DLG2: variants seen among roughly 807,000 people sequenced by gnomAD.
DLG2 encodes discs large MAGUK scaffold protein 2.
Under a neutral mutation model 132.5 loss-of-function variants are expected in DLG2, and 45 were observed. The observed-to-expected ratio is 0.34, with a 90% CI of 0.27 to 0.44. The LOEUF is 0.44. Among genes scored for constraint, DLG2 ranks in the 20% least tolerant of loss-of-function variants. The pLI, the probability that DLG2 is intolerant of heterozygous loss-of-function variation, is 1.00. For missense variants in DLG2, 1,045 were observed against 1,196.9 expected, an observed-to-expected ratio of 0.87 and a Z score of 1.87; for synonymous variants, 424 against 419.6, an observed-to-expected ratio of 1.01 and a Z score of -0.13.
chr11:83,652,563 G>A (rs751521554), intron 18 of DLG2, among the ~76,000 whole-genome samples: 2 of 152,114 alleles, frequency 1.3e-5, no homozygotes, highest in African/African-American at 4.8e-5. Flanking sequence ...GTAGAGACGG[G>A]GTTTCACCAT....
At chr11:84,692,380 T>G (rs1490594292) in intron 6 of DLG2, among the ~76,000 whole-genome samples, 2 of 151,872 alleles carry the variant, frequency 1.3e-5, no homozygotes, top group East Asian at 3.9e-4. Context: ...TATCTGTCCA[T>G]TATTAACCCT....
At chr11:83,916,078 C>CT (rs963723167) in intron 15 of DLG2, among the ~76,000 whole-genome samples, 4 of 152,122 alleles carry the variant, frequency 2.6e-5, no homozygotes, top group Non-Finnish European at 5.9e-5. Context: ...GTACTTCATT[C>CT]TTTTTTCTGG....
chr11:84,078,836 A>T (rs116091358), intron 10 of DLG2, among the ~76,000 whole-genome samples: 2,124 of 152,312 alleles, frequency 0.014, 47 homozygotes, highest in African/African-American at 0.048. Context: ...ATTCCCAGTC[A>T]GATCTCTCAG....
intron 8 of DLG2, among the ~76,000 whole-genome samples, chr11:84,175,186 T>C (rs919924524): frequency 8.5e-5 from 13 of 152,236 alleles, no homozygotes; most frequent in African/African-American, 2.6e-4. Flanking sequence ...TAATTTTTCT[T>C]TCTGGTCATA....
intron 21 of DLG2, among the ~76,000 whole-genome samples, chr11:83,519,938 T>C (rs2095421170): frequency 6.6e-6 from 1 of 152,210 alleles, no homozygotes; most frequent in East Asian, 1.9e-4. Flanking sequence ...TCCTTCTCTA[T>C]GAATAAGGAG....
intron 18 of DLG2, among the ~76,000 whole-genome samples, chr11:83,764,354 G>T (rs922082325): frequency 6.6e-6 from 1 of 152,128 alleles, no homozygotes; most frequent in African/African-American, 2.4e-5. Flanking sequence ...TCAATATATG[G>T]TTGTTTAATG....
At chr11:83,835,322 T>G (rs961156891) in intron 16 of DLG2, among the ~76,000 whole-genome samples, 2 of 152,054 alleles carry the variant, frequency 1.3e-5, no homozygotes, top group Non-Finnish European at 2.9e-5. Context: ...ATATAGCACG[T>G]TAGAAGGCAA....
chr11:84,981,714 C>G (rs199792185), intron 6 of DLG2, among the ~76,000 whole-genome samples: 1 of 152,086 alleles, frequency 6.6e-6, no homozygotes, highest in Non-Finnish European at 1.5e-5. Flanking sequence ...AAAAGATGCT[C>G]TCATGACTAT....
chr11:84,784,805 T>A (rs1384036127), intron 6 of DLG2, among the ~76,000 whole-genome samples: 2 of 152,078 alleles, frequency 1.3e-5, no homozygotes, highest in Non-Finnish European at 2.9e-5. Flanking sequence ...TGGGGTGATG[T>A]GGTGGCCGTT....
intron 3 of DLG2, among the ~76,000 whole-genome samples, chr11:85,395,284 G>A (rs1213204654): frequency 6.6e-6 from 1 of 152,174 alleles, no homozygotes; most frequent in Admixed American, 6.5e-5. Flanking sequence ...AGAAGCAGTT[G>A]CTTCCAGGGT....
At chr11:85,070,518 A>T (rs2065683763) in intron 6 of DLG2, among the ~76,000 whole-genome samples, 1 of 151,720 alleles carries the variant, frequency 6.6e-6, no homozygotes, top group South Asian at 2.1e-4. Flanking sequence ...GACTTAACCA[A>T]TGCACAATAT....
At chr11:84,471,578 G>A (rs1404816962) in intron 7 of DLG2, among the ~76,000 whole-genome samples, 3 of 151,752 alleles carry the variant, frequency 2.0e-5, no homozygotes, top group Non-Finnish European at 4.4e-5. Context: ...GAAAAGGAGT[G>A]AAAGGGGATT....
intron 3 of DLG2, among the ~76,000 whole-genome samples, chr11:85,387,255 C>T (rs763120769): frequency 6.6e-5 from 10 of 152,132 alleles, no homozygotes; most frequent in Non-Finnish European, 1.0e-4. Context: ...GCAAATTGTA[C>T]TCTACAACAT....
intron 3 of DLG2, among the ~76,000 whole-genome samples, chr11:85,527,560 T>C (rs1471528299): frequency 1.3e-5 from 2 of 152,180 alleles, no homozygotes; most frequent in African/African-American, 4.8e-5. Context: ...TATTCCATAG[T>C]ATGTATGTGC....
At chr11:85,308,311 T>G (rs1201181773) in intron 3 of DLG2, among the ~76,000 whole-genome samples, 1 of 151,830 alleles carries the variant, frequency 6.6e-6, no homozygotes, top group East Asian at 1.9e-4. Flanking sequence ...ATATGCTAGT[T>G]ATCCTATTTA....
intron 6 of DLG2, among the ~76,000 whole-genome samples, chr11:84,638,717 A>G (rs2099644972): frequency 6.6e-6 from 1 of 152,228 alleles, no homozygotes; most frequent in Non-Finnish European, 1.5e-5. Context: ...CAGAGACTCC[A>G]TAACTCACCA....
chr11:85,557,596 C>A (rs914041264), intron 3 of DLG2, among the ~76,000 whole-genome samples: 2 of 151,766 alleles, frequency 1.3e-5, no homozygotes, highest in African/African-American at 2.4e-5. Flanking sequence ...GTTAATGGTA[C>A]AAGAACAGAC....
At chr11:84,743,812 C>T (rs1424650250) in intron 6 of DLG2, among the ~76,000 whole-genome samples, 2 of 152,022 alleles carry the variant, frequency 1.3e-5, no homozygotes, top group African/African-American at 4.8e-5. Context: ...GCAACCTCCA[C>T]TCTCTGGGTT....
At chr11:84,225,413 C>T (rs958062931) in intron 8 of DLG2, among the ~76,000 whole-genome samples, 5 of 152,228 alleles carry the variant, frequency 3.3e-5, no homozygotes, top group African/African-American at 1.2e-4. Context: ...TAAAATCCTG[C>T]TCTGTATATC....
Sources: gnomAD v4.1 joint callset for allele counts (sites outside exome capture counted in the v4.1 genomes callset) on GRCh38, gnomAD v4.1.1 for gene constraint, MANE v1.5 for transcripts, NCBI Gene and HGNC (gene_info 2026-07-23, HGNC 2026-07-21) for gene names.